MERTK: variants seen among roughly 807,000 people sequenced by gnomAD.
MERTK encodes tyrosine-protein kinase Mer.
In MERTK, 69 loss-of-function variants were observed where a neutral mutation model predicts 99.3. The ratio of observed to expected loss-of-function variants is 0.70; its 90% confidence interval spans 0.57 to 0.85. The LOEUF (loss-of-function observed/expected upper bound fraction) is 0.85. Among genes scored for constraint, MERTK ranks in the 40% least tolerant of loss-of-function variants. The pLI, the probability that MERTK is intolerant of heterozygous loss-of-function variation, is 0.00. For synonymous variants in MERTK, 426 were observed against 467.6 expected (o/e 0.91, Z 1.15); for missense variants, 1,125 against 1,249.4 (o/e 0.90, Z 1.50).
intron 1 of MERTK, among the ~76,000 whole-genome samples, chr2:111,914,101 CTTTTTTT>C (rs765850254): frequency 1.3e-4 from 12 of 94,438 alleles, no homozygotes; most frequent in East Asian, 2.8e-4. Flanking sequence ...TTCTTTCTTT[CTTTTTTT>C]TTTTTTTTTT....
chr2:112,005,530 A>G (rs1676962943), intron 13 of MERTK, among the ~76,000 whole-genome samples: 1 of 152,196 alleles, frequency 6.6e-6, no homozygotes, highest in Non-Finnish European at 1.5e-5. Flanking sequence ...TCCTTCTTCC[A>G]GGAAGTGCAT....
In MERTK at chr2:111,975,253, A is replaced by G. The variant is rs753952261; in HGVS notation, c.961-36A>G. 4.5e-5 allele frequency: 73 copies of G among 1,609,558 alleles called. No homozygotes were observed. In the South Asian group the frequency reaches 7.0e-4, roughly 16 times the overall value. On this transcript the variant is annotated intron_variant, in intron 6 of 18. Coordinates refer to ENST00000295408, the MANE Select transcript of MERTK (RefSeq NM_006343.3). ...CCGTGCCTGACATTCCCACCACCTT[A>G]CTAATGCCCGGTCCTCATGTTTACT...
At chr2:111,981,684 T>C (rs574550740) in intron 7 of MERTK, among the ~76,000 whole-genome samples, 1 of 152,236 alleles carries the variant, frequency 6.6e-6, no homozygotes, top group Non-Finnish European at 1.5e-5. Context: ...CAAAAAAGAC[T>C]GTAGTAATGA....
chr2:111,954,711 A>G (rs1171488267), intron 4 of MERTK, among the ~76,000 whole-genome samples: 1 of 152,166 alleles, frequency 6.6e-6, no homozygotes, highest in Non-Finnish European at 1.5e-5. Flanking sequence ...TGTAAAATTA[A>G]TAGAACAGGA....
chr2:111,925,896 G>C (rs1221522590), intron 1 of MERTK, among the ~76,000 whole-genome samples: 1 of 150,404 alleles, frequency 6.6e-6, no homozygotes, highest in Non-Finnish European at 1.5e-5. Context: ...ACAGTGGCGC[G>C]ATCTCGGCTC....
chr2:111,900,677 T>C (rs1684026529), intron 1 of MERTK, among the ~76,000 whole-genome samples: 1 of 142,638 alleles, frequency 7.0e-6, no homozygotes, highest in Non-Finnish European at 1.6e-5. Flanking sequence ...GCTGGAAGAA[T>C]GAAAAGTTTC....
At chr2:111,954,031 C>T (rs943319808) in intron 4 of MERTK, among the ~76,000 whole-genome samples, 1 of 152,216 alleles carries the variant, frequency 6.6e-6, no homozygotes, top group Admixed American at 6.5e-5. Context: ...CCCTACCCCA[C>T]CACCATAGTG....
At chr2:111,913,433 G>T (rs1171972857) in intron 1 of MERTK, among the ~76,000 whole-genome samples, 2 of 152,138 alleles carry the variant, frequency 1.3e-5, no homozygotes, top group Admixed American at 1.3e-4. Flanking sequence ...CAATGTCTAT[G>T]TGTTTATTGC....
intron 1 of MERTK, among the ~76,000 whole-genome samples, chr2:111,908,706 A>G (rs992978375): frequency 1.3e-5 from 2 of 152,234 alleles, no homozygotes; most frequent in African/African-American, 4.8e-5. Flanking sequence ...CCAGGTTGGG[A>G]TTAGACAGTG....
intron 13 of MERTK, 45 bp from the exon 14 acceptor site, chr2:112,008,338 T>C (rs1244947059): frequency 6.9e-6 from 10 of 1,459,406 alleles, no homozygotes; most frequent in East Asian, 2.3e-5. Flanking sequence ...CTCCCCTTAA[T>C]TGAGTAAATT....
chr2:112,025,345 C>G (rs1197692100), intron 18 of MERTK, among the ~76,000 whole-genome samples: 1 of 152,168 alleles, frequency 6.6e-6, no homozygotes, highest in African/African-American at 2.4e-5. Context: ...CAGCACCACC[C>G]TCGCGCTTCA....
At chr2:111,977,940 A>T (rs945702499) in intron 7 of MERTK, among the ~76,000 whole-genome samples, 2 of 151,856 alleles carry the variant, frequency 1.3e-5, no homozygotes, top group African/African-American at 4.8e-5. Flanking sequence ...AGTTATAATT[A>T]CTTTCCTTTT....
In MERTK at chr2:111,968,127, T is replaced by C; in HGVS notation, c.845-10T>C. ...TGTGTATGTGTGTGTGTGTGTTTTG[T>C]TTTATGCAGCAATTCCCTCCCCACC... On this transcript the variant is annotated splice_polypyrimidine_tract_variant and intron_variant, in intron 5 of 18. Coordinates refer to ENST00000295408, the MANE Select transcript of MERTK (RefSeq NM_006343.3). 2.3e-6 allele frequency: 3 copies of C among 1,332,708 alleles called. No individual in the cohort carries two copies. The highest frequency in any genetic ancestry group is 3.2e-6 in the Non-Finnish European group (3 of 936,782). The allele number at this position is 1,332,708 out of a possible 1,614,324, so 82.6% of individuals were successfully genotyped here.
At chr2:112,000,065 C>G (rs1338844122) in intron 10 of MERTK, among the ~76,000 whole-genome samples, 1 of 152,056 alleles carries the variant, frequency 6.6e-6, no homozygotes, top group African/African-American at 2.4e-5. Flanking sequence ...TGTATTGTCA[C>G]AAAGTCAATT....
At position 111,947,426 on chromosome 2, in the gene MERTK, A is replaced by G. The variant is rs1202269360; in HGVS notation, c.616A>G (p.Met206Val). ...TCACTTTACTAAGCAGCCTGAGAGC[A>G]TGAATGTCACCAGAAACACAGCCTT... ...LPHFTKQPES[M>V]NVTRNTAFNL... Residue 206 changes from methionine (M) to valine (V), a missense_variant, in exon 4 of 19, where the codon ATG becomes GTG. Coordinates refer to ENST00000295408, the MANE Select transcript of MERTK (RefSeq NM_006343.3). 1 of 1,614,174 alleles carries G rather than the reference A, an allele frequency of 6.2e-7. No individual in the cohort carries two copies. Among genetic ancestry groups the G allele is most frequent in the Non-Finnish European group, 8.5e-7 (1 of 1,180,042 alleles).
chr2:111,965,279 T>C lies in MERTK; in HGVS notation c.844+2T>C, dbSNP rs1685339034. 2 of 1,614,042 alleles carry C rather than the reference T, an allele frequency of 1.2e-6. No individual in the cohort carries two copies. Among genetic ancestry groups the C allele is most frequent in the African/African-American group, 2.7e-5 (2 of 75,036 alleles). On this transcript the variant is annotated splice_donor_variant, in intron 5 of 18. Transcript: ENST00000295408. LOFTEE classifies it high-confidence loss of function. ...AGGGAGTGCAGATCAACATCAAAGG[T>C]AAGCAGCAAGGCTAGGCTCCCCATG...
chr2:111,902,591 G>C (rs1489163977), intron 1 of MERTK, among the ~76,000 whole-genome samples: 1 of 151,944 alleles, frequency 6.6e-6, no homozygotes, highest in Non-Finnish European at 1.5e-5. Context: ...CCTCTGGCTG[G>C]AACCTTTTTC....
chr2:111,981,711 A>C (rs1480927143), intron 7 of MERTK, among the ~76,000 whole-genome samples: 1 of 149,352 alleles, frequency 6.7e-6, no homozygotes, highest in Non-Finnish European at 1.5e-5. Flanking sequence ...CTTGTTTCCC[A>C]AATTATTTTA....
chr2:111,935,395 C>T lies in MERTK; in HGVS notation c.482+5855C>T, dbSNP rs1454879136. Among the ~76,000 whole-genome samples the T allele has an allele frequency of 4.6e-5, 7 of 152,082 alleles. 1 individual carries two copies. The highest frequency in any genetic ancestry group is 3.9e-4 in the Admixed American group (6 of 15,268). ...CTTCAGATTTTAGATTTGTCCCTGA[C>T]GTATTAATTTAGAGGAGGAGGAACT... On this transcript the variant is annotated intron_variant, in intron 2 of 18. Coordinates refer to ENST00000295408, the MANE Select transcript of MERTK (RefSeq NM_006343.3).
Sources: gnomAD v4.1 joint callset for allele counts (sites outside exome capture counted in the v4.1 genomes callset) on GRCh38, gnomAD v4.1.1 for gene constraint, MANE v1.5 for transcripts, NCBI Gene and HGNC (gene_info 2026-07-23, HGNC 2026-07-21) for gene names.